DPP10: variants seen among roughly 807,000 people sequenced by gnomAD.
The protein encoded by DPP10 is dipeptidyl peptidase like 10.
A neutral mutation model predicts 120.9 loss-of-function variants in DPP10; 33 were observed. That is an observed-to-expected ratio of 0.27 (90% CI 0.21 to 0.37). DPP10 has a LOEUF of 0.37. Among genes scored for constraint, DPP10 ranks in the 10% least tolerant of loss-of-function variants. The pLI, the probability that DPP10 is intolerant of heterozygous loss-of-function variation, is 1.00. For missense variants in DPP10, 816 were observed against 942.8 expected, an observed-to-expected ratio of 0.87 and a Z score of 1.76; for synonymous variants, 337 against 326.1, an observed-to-expected ratio of 1.03 and a Z score of -0.36.
At chr2:115,751,982 T>A (rs1367846500) in intron 10 of DPP10, among the ~76,000 whole-genome samples, 1 of 152,080 alleles carries the variant, frequency 6.6e-6, no homozygotes, top group Non-Finnish European at 1.5e-5. Flanking sequence ...GTATTTTTAA[T>A]AGAGACAGGG....
chr2:115,413,914 T>C lies in DPP10; in HGVS notation c.271+70002T>C, dbSNP rs1574765994. Among the ~76,000 whole-genome samples, 3 of 22,514 alleles carry C rather than the reference T, an allele frequency of 1.3e-4. No individual in the cohort carries two copies. The South Asian group carries it at 3.7e-3, about 28-fold the overall frequency. 14.8% of individuals were successfully genotyped at this position (22,514 alleles called of 152,430 possible). A position where few individuals can be genotyped will look rare whatever the true frequency, so the allele number is the denominator to read the frequency against. On this transcript the variant is annotated intron_variant, in intron 3 of 25. Coordinates refer to ENST00000410059, the MANE Select transcript of DPP10 (RefSeq NM_020868.6). ...GCAATTCTACACCTTCTCTCAATAA[T>C]TTTTTTTTTCCACTTGGTTTTCTCT...
At chr2:114,902,639 G>C (rs1001325859) in intron 1 of DPP10, among the ~76,000 whole-genome samples, 5 of 152,080 alleles carry the variant, frequency 3.3e-5, no homozygotes, top group Non-Finnish European at 7.4e-5. Flanking sequence ...TTTTAAAATA[G>C]ACTTTATTTT....
chr2:114,633,723 C>T (rs904825186), intron 1 of DPP10, among the ~76,000 whole-genome samples: 2 of 151,734 alleles, frequency 1.3e-5, no homozygotes, highest in African/African-American at 4.9e-5. Flanking sequence ...AAGCAATTCT[C>T]CTGCCTCAGC....
chr2:115,012,923 G>C (rs998771202), intron 1 of DPP10, among the ~76,000 whole-genome samples: 1 of 152,112 alleles, frequency 6.6e-6, no homozygotes, highest in East Asian at 1.9e-4. Flanking sequence ...ACATGATATA[G>C]GATATGAAAG....
intron 3 of DPP10, among the ~76,000 whole-genome samples, chr2:115,362,210 A>G (rs1559484583): frequency 6.6e-6 from 1 of 152,174 alleles, no homozygotes; most frequent in Non-Finnish European, 1.5e-5. Context: ...GTCTTTAGCA[A>G]GGAAATTTCT....
intron 1 of DPP10, among the ~76,000 whole-genome samples, chr2:114,776,840 G>T (rs868207093): frequency 6.6e-6 from 1 of 152,008 alleles, no homozygotes; most frequent in Admixed American, 6.6e-5. Context: ...ACACCTCTCT[G>T]AGCAGTGTGA....
At chr2:115,120,801 T>C (rs2049782580) in intron 1 of DPP10, among the ~76,000 whole-genome samples, 1 of 152,236 alleles carries the variant, frequency 6.6e-6, no homozygotes, top group Non-Finnish European at 1.5e-5. Flanking sequence ...CATTTTACTT[T>C]AGGACAAGAA....
chr2:114,522,035 A>G (rs1685105227), intron 1 of DPP10, among the ~76,000 whole-genome samples: 1 of 141,418 alleles, frequency 7.1e-6, no homozygotes, highest in Non-Finnish European at 1.5e-5. Flanking sequence ...GCTGGAGTGC[A>G]GTGGCGGGAT....
intron 5 of DPP10, among the ~76,000 whole-genome samples, chr2:115,652,473 T>G (rs1024187437): frequency 6.6e-6 from 1 of 151,322 alleles, no homozygotes; most frequent in African/African-American, 2.4e-5. Flanking sequence ...CTCTAATACC[T>G]TTATATATTA....
chr2:115,390,460 T>A (rs1452591174), intron 3 of DPP10, among the ~76,000 whole-genome samples: 1 of 152,212 alleles, frequency 6.6e-6, no homozygotes, highest in Admixed American at 6.5e-5. Context: ...TCTAAGTCTC[T>A]CTGCAATAGG....
rs1468463602 is a variant in DPP10, at chr2:115,810,848, G to A, written c.1701-3945G>A. 2.6e-4 allele frequency among the ~76,000 whole-genome samples: 39 copies of A among 152,294 alleles called. 1 individual carries two copies. The highest frequency in any genetic ancestry group is 2.9e-5 in the Non-Finnish European group (2 of 68,026). On this transcript the variant is annotated intron_variant, in intron 19 of 25. Coordinates refer to ENST00000410059, the MANE Select transcript of DPP10 (RefSeq NM_020868.6). ...GCAAAATTGTGTAGAAGGCAAATGA[G>A]GGAGACACTCAGAAAGAAACAAAAA...
chr2:115,628,455 C>T (rs186470889), intron 5 of DPP10, among the ~76,000 whole-genome samples: 330 of 152,048 alleles, frequency 2.2e-3, no homozygotes, highest in South Asian at 0.013. Context: ...AAATTTTCTC[C>T]CATTCTGTAG....
chr2:114,527,191 T>C (rs1330951597), intron 1 of DPP10, among the ~76,000 whole-genome samples: 1 of 152,188 alleles, frequency 6.6e-6, no homozygotes, highest in Non-Finnish European at 1.5e-5. Flanking sequence ...TGATTGTTTG[T>C]GACTAGCTTT....
chr2:115,510,974 T>C (rs898235326), intron 4 of DPP10, among the ~76,000 whole-genome samples: 2 of 152,148 alleles, frequency 1.3e-5, no homozygotes, highest in Non-Finnish European at 2.9e-5. Context: ...ATGATTTTTG[T>C]GTGTTGAATG....
intron 1 of DPP10, among the ~76,000 whole-genome samples, chr2:114,672,969 G>A (rs141086467): frequency 7.2e-5 from 11 of 152,222 alleles, no homozygotes; most frequent in African/African-American, 2.2e-4. Flanking sequence ...TTCTAAGGCC[G>A]TCTCAGCTCT....
intron 5 of DPP10, among the ~76,000 whole-genome samples, chr2:115,602,248 A>G (rs2083373543): frequency 6.6e-6 from 1 of 152,198 alleles, no homozygotes; most frequent in African/African-American, 2.4e-5. Context: ...ACTATCAGAC[A>G]CAGTCTCTGT....
intron 1 of DPP10, among the ~76,000 whole-genome samples, chr2:115,285,987 A>G (rs990017392): frequency 1.3e-5 from 2 of 151,976 alleles, no homozygotes; most frequent in Non-Finnish European, 2.9e-5. Flanking sequence ...GTTTCTATAT[A>G]TTATGTAGGG....
chr2:115,014,767 T>C (rs1702511267), intron 1 of DPP10, among the ~76,000 whole-genome samples: 1 of 149,018 alleles, frequency 6.7e-6, no homozygotes, highest in South Asian at 2.1e-4. Flanking sequence ...CCTGGACATA[T>C]ACACCCTCCC....
At chr2:114,498,643 G>T (rs1682886163) in intron 1 of DPP10, among the ~76,000 whole-genome samples, 1 of 152,132 alleles carries the variant, frequency 6.6e-6, no homozygotes, top group South Asian at 2.1e-4. Context: ...TGTGAGACAG[G>T]GAGGAAATTG....
Sources: gnomAD v4.1 joint callset for allele counts (sites outside exome capture counted in the v4.1 genomes callset) on GRCh38, gnomAD v4.1.1 for gene constraint, MANE v1.5 for transcripts, NCBI Gene and HGNC (gene_info 2026-07-23, HGNC 2026-07-21) for gene names.